Variants in LRRC4C observed in about 807,000 individuals in gnomAD.
LRRC4C encodes the protein leucine-rich repeat-containing protein 4C.
In LRRC4C, 5 loss-of-function variants were observed where a neutral mutation model predicts 33.6. The observed-to-expected ratio is 0.15, with a 90% CI of 0.08 to 0.31. LRRC4C has a LOEUF of 0.31. LRRC4C is among the 10% of genes least tolerant of loss of function. The pLI, the probability that LRRC4C is intolerant of heterozygous loss-of-function variation, is 1.00. For synonymous variants in LRRC4C, 329 were observed against 302.0 expected (o/e 1.09, Z -0.93); for missense variants, 560 against 796.7 (o/e 0.70, Z 3.58).
intron 1 of LRRC4C, among the ~76,000 whole-genome samples, chr11:41,079,298 A>G (rs117053765): frequency 1.3e-5 from 2 of 152,174 alleles, no homozygotes; most frequent in Admixed American, 6.5e-5. Flanking sequence ...CATATTTGGC[A>G]TGGAGAAGTA....
At chr11:41,168,233 T>C (rs911984411) in intron 1 of LRRC4C, among the ~76,000 whole-genome samples, 23 of 152,172 alleles carry the variant, frequency 1.5e-4, no homozygotes, top group African/African-American at 5.3e-4. Flanking sequence ...CAGGACTCTG[T>C]ATAATTTCAC....
chr11:40,875,061 A>G (rs968622588), intron 2 of LRRC4C, among the ~76,000 whole-genome samples: 1 of 152,192 alleles, frequency 6.6e-6, no homozygotes, highest in Admixed American at 6.6e-5. Context: ...TTAGTATAAA[A>G]TGTCAGAATT....
chr11:40,115,764 G>A lies in LRRC4C; in HGVS notation c.529C>T (p.Leu177=), dbSNP rs368452298. The A allele has an allele frequency of 7.8e-4, 1,253 of 1,614,170 alleles. 18 individuals are homozygous for A. In the South Asian group the frequency reaches 0.013, roughly 17 times the overall value. ...AFNRIPSLRR[L]DLGELKRLSY... ...AGTCTTTTCAATTCCCCTAAGTCTA[G>A]TCGGCGCAAAGAAGGAATTCTGTTA... Residue 177 remains leucine, a synonymous_variant, in exon 7 of 7, where the codon CTA becomes TTA. Transcript: ENST00000528697. This position sits in a 1 kb window ranked among gnomAD's most constrained non-coding sequence, Gnocchi z 6.7.
At chr11:41,112,752 A>G (rs561702301) in intron 1 of LRRC4C, among the ~76,000 whole-genome samples, 2 of 152,220 alleles carry the variant, frequency 1.3e-5, no homozygotes, top group African/African-American at 4.8e-5. Context: ...ATAGGTACAG[A>G]TTTATTTTTC....
chr11:41,267,387 T>C (rs758230073), intron 1 of LRRC4C, among the ~76,000 whole-genome samples: 22 of 152,094 alleles, frequency 1.4e-4, no homozygotes, highest in Non-Finnish European at 8.8e-5. Context: ...GCTTAAAATG[T>C]ACTCTGTGAC....
chr11:40,754,089 T>C (rs1233355800), intron 2 of LRRC4C, among the ~76,000 whole-genome samples: 1 of 152,084 alleles, frequency 6.6e-6, no homozygotes, highest in Non-Finnish European at 1.5e-5. Context: ...TGATTTTCTT[T>C]GGGTTTCCAC....
At chr11:41,235,690 C>T (rs1947990930) in intron 1 of LRRC4C, among the ~76,000 whole-genome samples, 1 of 152,086 alleles carries the variant, frequency 6.6e-6, no homozygotes, top group Non-Finnish European at 1.5e-5. Context: ...GCTTAAATCC[C>T]TTTTCTTCCA....
intron 1 of LRRC4C, among the ~76,000 whole-genome samples, chr11:41,176,955 A>C (rs1945227266): frequency 6.6e-6 from 1 of 151,658 alleles, no homozygotes; most frequent in African/African-American, 2.4e-5. Flanking sequence ...ACAGAGTAAT[A>C]CTCCATCTCT....
intron 3 of LRRC4C, among the ~76,000 whole-genome samples, chr11:40,500,387 T>G (rs1325438535): frequency 6.6e-6 from 1 of 150,550 alleles, no homozygotes; most frequent in African/African-American, 2.4e-5. Flanking sequence ...ATAAAGAACA[T>G]TTATAATTAT....
At chr11:41,412,339 G>A (rs925323333) in intron 1 of LRRC4C, among the ~76,000 whole-genome samples, 2 of 152,136 alleles carry the variant, frequency 1.3e-5, no homozygotes, top group Non-Finnish European at 2.9e-5. Flanking sequence ...ATTAGGTGAT[G>A]TTTTTATGAG....
chr11:41,315,884 G>A (rs967992388), intron 1 of LRRC4C, among the ~76,000 whole-genome samples: 1 of 152,102 alleles, frequency 6.6e-6, no homozygotes, highest in Non-Finnish European at 1.5e-5. Context: ...ATGTACAAAG[G>A]AGCTGGATCT....
At chr11:40,950,033 T>C (rs1958622068) in intron 1 of LRRC4C, among the ~76,000 whole-genome samples, 2 of 151,850 alleles carry the variant, frequency 1.3e-5, no homozygotes, top group Non-Finnish European at 2.9e-5. Flanking sequence ...TTTTTTTTCA[T>C]GGCTAAAATG....
chr11:40,619,219 G>A (rs1174009510), intron 3 of LRRC4C, among the ~76,000 whole-genome samples: 1 of 151,600 alleles, frequency 6.6e-6, no homozygotes, highest in African/African-American at 2.4e-5. Flanking sequence ...CTACTTGATA[G>A]TACAATAGGG....
chr11:40,812,824 C>T (rs1282041688), intron 2 of LRRC4C, among the ~76,000 whole-genome samples: 1 of 151,946 alleles, frequency 6.6e-6, no homozygotes, highest in Non-Finnish European at 1.5e-5. Flanking sequence ...CCTTCGGTTA[C>T]CTATTTGTTT....
chr11:40,876,264 T>TTTG (rs1954882572), intron 2 of LRRC4C, among the ~76,000 whole-genome samples: 1 of 147,380 alleles, frequency 6.8e-6, no homozygotes, highest in Non-Finnish European at 1.5e-5. Flanking sequence ...GTTAGGGTTT[T>TTTG]TTTTTTTTTT....
intron 3 of LRRC4C, among the ~76,000 whole-genome samples, chr11:40,360,543 C>T (rs1947902450): frequency 6.6e-6 from 1 of 152,112 alleles, no homozygotes; most frequent in African/African-American, 2.4e-5. Context: ...AGGGTCTTGC[C>T]TCAATAGTGA....
intron 1 of LRRC4C, among the ~76,000 whole-genome samples, chr11:41,437,915 G>C (rs1955486703): frequency 6.6e-6 from 1 of 152,068 alleles, no homozygotes; most frequent in Admixed American, 6.6e-5. Flanking sequence ...GTGGGCACCT[G>C]TAATTCCAGC....
intron 2 of LRRC4C, among the ~76,000 whole-genome samples, chr11:40,738,977 C>A (rs186873845): frequency 6.6e-6 from 1 of 151,258 alleles, no homozygotes; most frequent in South Asian, 2.1e-4. Flanking sequence ...TCAAACTAAT[C>A]GACATATCTG....
At chr11:41,284,530 T>A (rs558334551) in intron 1 of LRRC4C, among the ~76,000 whole-genome samples, 1 of 152,302 alleles carries the variant, frequency 6.6e-6, no homozygotes, top group Non-Finnish European at 1.5e-5. Context: ...ATATTGCTAA[T>A]TACCACTGAC....
Sources: gnomAD v4.1 joint callset for allele counts (sites outside exome capture counted in the v4.1 genomes callset) on GRCh38, gnomAD v4.1.1 for gene constraint, Gnocchi (gnomAD v3.1) non-coding constraint, MANE v1.5 for transcripts, NCBI Gene and HGNC (gene_info 2026-07-23, HGNC 2026-07-21) for gene names.